FMN2: variants seen among roughly 807,000 people sequenced by gnomAD.
FMN2 encodes the protein formin 2, also known as formin-2.
FMN2 carries 51 observed loss-of-function variants against 142.3 expected under a neutral mutation model. The ratio of observed to expected loss-of-function variants is 0.36; its 90% CI spans 0.29 to 0.45. The LOEUF (loss-of-function observed/expected upper bound fraction) is 0.45, where lower values mean the gene tolerates loss of function less well. Ranked by LOEUF, FMN2 falls within the 20% of genes least tolerant of loss-of-function variation. FMN2 has a pLI of 1.00. For missense variants in FMN2, 1,936 were observed against 2,122.8 expected (o/e 0.91, Z 1.73); for synonymous variants, 882 against 869.8 (o/e 1.01, Z -0.25).
chr1:240,370,126 G>A (rs1364702363), intron 14 of FMN2, among the ~76,000 whole-genome samples: 1 of 152,122 alleles, frequency 6.6e-6, no homozygotes, highest in South Asian at 2.1e-4. Flanking sequence ...TAGGTTTAGC[G>A]ATGTCCTGAG....
intron 1 of FMN2, among the ~76,000 whole-genome samples, chr1:240,098,815 G>A (rs1661311258): frequency 6.6e-6 from 1 of 152,142 alleles, no homozygotes. Flanking sequence ...TGCTTTATGA[G>A]TTGAGGATGG....
chr1:240,293,244 C>T (rs1252589602), intron 7 of FMN2, among the ~76,000 whole-genome samples: 1 of 152,016 alleles, frequency 6.6e-6, no homozygotes, highest in Non-Finnish European at 1.5e-5. Flanking sequence ...ACTTTATGAG[C>T]TTTGAATTGA....
chr1:240,171,225 T>G (rs1349156260), intron 2 of FMN2: 1 of 777,434 alleles, frequency 1.3e-6, no homozygotes, highest in African/African-American at 1.7e-5. Flanking sequence ...ATCTGTCTTT[T>G]GATGAAATTA....
intron 3 of FMN2, chr1:240,180,039 T>C: frequency 5.5e-6 from 2 of 366,192 alleles, no homozygotes; most frequent in Non-Finnish European, 9.9e-6. Context: ...TAAAAGATGA[T>C]AGTTGGAATT....
At chr1:240,413,487 A>G (rs1304663603) in intron 15 of FMN2, among the ~76,000 whole-genome samples, 4 of 152,082 alleles carry the variant, frequency 2.6e-5, no homozygotes, top group Non-Finnish European at 5.9e-5. Context: ...CTGCATCTTG[A>G]CCTCTGAGAT....
At chr1:240,216,792 C>CA (rs999520074) in intron 6 of FMN2, among the ~76,000 whole-genome samples, 3 of 151,844 alleles carry the variant, frequency 2.0e-5, no homozygotes, top group African/African-American at 7.3e-5. Flanking sequence ...ACTAAAAATA[C>CA]AAAAAAATTA....
intron 2 of FMN2, among the ~76,000 whole-genome samples, chr1:240,176,185 T>C (rs1031831704): frequency 2.6e-5 from 4 of 152,238 alleles, no homozygotes; most frequent in Non-Finnish European, 5.9e-5. Flanking sequence ...TTTGTAGTTT[T>C]AGGTCTTATG....
chr1:240,407,530 T>C (rs933894920), intron 15 of FMN2, among the ~76,000 whole-genome samples: 7 of 152,054 alleles, frequency 4.6e-5, no homozygotes, highest in Non-Finnish European at 8.8e-5. Flanking sequence ...CTGCAGAGAG[T>C]GTCAAGGAGG....
At chr1:240,411,069 A>ACTT (rs5782141) in intron 15 of FMN2, among the ~76,000 whole-genome samples, 124,421 of 151,752 alleles carry the variant, frequency 0.82, 51,145 homozygotes, top group Middle Eastern at 0.88. Flanking sequence ...TCCCCATCCT[A>ACTT]CTTCTTCTTG....
intron 3 of FMN2, chr1:240,180,271 A>G: frequency 1.2e-6 from 1 of 816,198 alleles, no homozygotes; most frequent in Non-Finnish European, 1.7e-6. Context: ...AGAGTGATCT[A>G]ATGGGTCTTT....
chr1:240,343,064 TC>T (rs1444946087), intron 13 of FMN2, among the ~76,000 whole-genome samples: 1 of 152,190 alleles, frequency 6.6e-6, no homozygotes, highest in African/African-American at 2.4e-5. Context: ...TGGTTCCTGA[TC>T]CCAGAAGTCT....
intron 2 of FMN2, among the ~76,000 whole-genome samples, chr1:240,139,978 C>T (rs1032012933): frequency 2.0e-5 from 3 of 152,062 alleles, no homozygotes; most frequent in Admixed American, 2.0e-4. Flanking sequence ...TGAGGGGGTT[C>T]GGATAGGATG....
chr1:240,267,271 G>A (rs995867471), intron 7 of FMN2, among the ~76,000 whole-genome samples: 3 of 151,508 alleles, frequency 2.0e-5, no homozygotes, highest in Non-Finnish European at 2.9e-5. Context: ...AAAATAAATA[G>A]CCTCATGAAA....
intron 16 of FMN2, among the ~76,000 whole-genome samples, chr1:240,460,169 G>T (rs1178020137): frequency 1.3e-5 from 2 of 152,182 alleles, no homozygotes; most frequent in East Asian, 1.9e-4. Context: ...TGCTTGAAAA[G>T]AGTTCAAAAT....
intron 13 of FMN2, among the ~76,000 whole-genome samples, chr1:240,335,410 T>C (rs1671523452): frequency 6.6e-6 from 1 of 152,216 alleles, no homozygotes; most frequent in Admixed American, 6.5e-5. Flanking sequence ...TACTGTGTAT[T>C]TTAAGCTAAG....
At chr1:240,439,796 C>T (rs1675546011) in intron 16 of FMN2, among the ~76,000 whole-genome samples, 2 of 149,216 alleles carry the variant, frequency 1.3e-5, no homozygotes, top group Admixed American at 6.8e-5. Flanking sequence ...CAAAAACAGG[C>T]TTGCTCAGTT....
chr1:240,290,644 T>C (rs938191020), intron 7 of FMN2, among the ~76,000 whole-genome samples: 6 of 152,126 alleles, frequency 3.9e-5, no homozygotes, highest in Non-Finnish European at 5.9e-5. Flanking sequence ...AGTGTCTTGA[T>C]CAAAGACACA....
intron 2 of FMN2, chr1:240,144,661 A>AT: frequency 7.8e-7 from 1 of 1,282,388 alleles, no homozygotes; most frequent in Non-Finnish European, 1.1e-6. Context: ...GCTCAGACAC[A>AT]TAATTCACAC....
At chr1:240,184,634 A>G (rs915338780) in intron 3 of FMN2, among the ~76,000 whole-genome samples, 6 of 151,698 alleles carry the variant, frequency 4.0e-5, no homozygotes, top group African/African-American at 1.5e-4. Context: ...TAGTCTTTGA[A>G]AATAATAACC....
Sources: gnomAD v4.1 joint callset for allele counts (sites outside exome capture counted in the v4.1 genomes callset) on GRCh38, gnomAD v4.1.1 for gene constraint, MANE v1.5 for transcripts, NCBI Gene and HGNC (gene_info 2026-07-23, HGNC 2026-07-21) for gene names.